The following KCNMA1 variants were observed in gnomAD, a reference collection of about 807,000 sequenced individuals.
KCNMA1 encodes potassium calcium-activated channel subfamily M alpha 1.
Under a neutral mutation model 140.0 loss-of-function variants are expected in KCNMA1, and 29 were observed. The ratio of observed to expected loss-of-function variants is 0.21; its 90% CI spans 0.15 to 0.28. The LOEUF (loss-of-function observed/expected upper bound fraction) is 0.28, where lower values mean the gene tolerates loss of function less well. KCNMA1 is among the 10% of genes least tolerant of loss of function. The pLI, the probability that KCNMA1 is intolerant of heterozygous loss-of-function variation, is 1.00. For missense variants in KCNMA1, 880 were observed against 1,602.2 expected, an observed-to-expected ratio of 0.55 and a Z score of 7.70; for synonymous variants, 612 against 611.9, an observed-to-expected ratio of 1.00 and a Z score of 0.00.
At chr10:77,022,522 C>A (rs1343585511) in intron 16 of KCNMA1, among the ~76,000 whole-genome samples, 1 of 152,120 alleles carries the variant, frequency 6.6e-6, no homozygotes, top group Non-Finnish European at 1.5e-5. Context: ...TTTTAAGTCT[C>A]GACTTATTCT....
chr10:76,888,837 G>A (rs1383255381), intron 27 of KCNMA1, among the ~76,000 whole-genome samples: 1 of 152,152 alleles, frequency 6.6e-6, no homozygotes, highest in African/African-American at 2.4e-5. Context: ...GGCCGAGGTG[G>A]GTGGATCACT....
intron 1 of KCNMA1, among the ~76,000 whole-genome samples, chr10:77,606,613 G>A (rs890368872): frequency 6.6e-6 from 1 of 151,932 alleles, no homozygotes; most frequent in Non-Finnish European, 1.5e-5. Context: ...ATCTCTTAAA[G>A]AAAAGAAAAA....
intron 19 of KCNMA1, among the ~76,000 whole-genome samples, chr10:76,983,888 G>A (rs1441282396): frequency 3.3e-5 from 5 of 151,862 alleles, no homozygotes; most frequent in Admixed American, 1.3e-4. Flanking sequence ...AAGGAATACC[G>A]CAGACCATAA....
At chr10:76,984,069 T>G (rs1001472128) in intron 19 of KCNMA1, among the ~76,000 whole-genome samples, 2 of 152,210 alleles carry the variant, frequency 1.3e-5, no homozygotes, top group African/African-American at 4.8e-5. Flanking sequence ...AAAGTCTTCC[T>G]AAAAAACAGA....
intron 2 of KCNMA1, among the ~76,000 whole-genome samples, chr10:77,381,294 G>A (rs2095375478): frequency 6.6e-6 from 1 of 152,160 alleles, no homozygotes; most frequent in Non-Finnish European, 1.5e-5. Flanking sequence ...TAGTATATTA[G>A]AGAATTATAA....
chr10:76,882,972 G>C (rs2035264080), downstream of KCNMA1, among the ~76,000 whole-genome samples: 1 of 152,204 alleles, frequency 6.6e-6, no homozygotes, highest in African/African-American at 2.4e-5. Flanking sequence ...CCTTCAAGGA[G>C]CCTGTTGCTA....
At chr10:76,933,728 A>G (rs7909158) in intron 23 of KCNMA1, among the ~76,000 whole-genome samples, 8 of 152,120 alleles carry the variant, frequency 5.3e-5, no homozygotes, top group Non-Finnish European at 8.8e-5. Flanking sequence ...GACACTGAAA[A>G]CATCTGGTAG....
intron 23 of KCNMA1, among the ~76,000 whole-genome samples, chr10:76,941,049 G>C (rs1292226310): frequency 1.3e-5 from 1 of 74,614 alleles, no homozygotes; most frequent in African/African-American, 6.3e-5. Context: ...AAGAAAGAAA[G>C]AAAGAGAAAG....
Position 77,019,024 on chromosome 10 carries a change from T to C in KCNMA1, c.2004A>G (p.Lys668=), listed in dbSNP as rs2092520145. ...TLGFFIASDA[K]EVKRAFFYCK... is the part of the protein sequence containing the mutation. ...AAATAAACTCTTACCTTTTAACTTCTTTGGCATCACTTGCGATGAAAAATC... is the reference window on the plus strand; with the variant it reads ...AAATAAACTCTTACCTTTTAACTTCCTTGGCATCACTTGCGATGAAAAATC... Residue 668 remains lysine, a synonymous_variant, in exon 17 of 28, where the codon AAA becomes AAG. Coordinates refer to ENST00000286628, the MANE Select transcript of KCNMA1 (RefSeq NM_001161352.2). 6.3e-7 allele frequency: 1 copy of C among 1,580,188 alleles called. No homozygotes were observed. Among genetic ancestry groups the C allele is most frequent in the East Asian group, 2.2e-5 (1 of 44,644 alleles).
chr10:76,894,387 T>C (rs2151954430), intron 25 of KCNMA1, among the ~76,000 whole-genome samples: 1 of 152,166 alleles, frequency 6.6e-6, no homozygotes, highest in Admixed American at 6.5e-5. Context: ...TAGAAGAAAA[T>C]ATAGGAGTAA....
At chr10:77,409,515 GC>G (rs1325634599) in intron 1 of KCNMA1, among the ~76,000 whole-genome samples, 1 of 152,172 alleles carries the variant, frequency 6.6e-6, no homozygotes, top group African/African-American at 2.4e-5. Context: ...TCACTCTGCT[GC>G]CCCAGCCTGG....
At chr10:77,475,214 A>G (rs142835891) in intron 1 of KCNMA1, among the ~76,000 whole-genome samples, 8 of 152,268 alleles carry the variant, frequency 5.3e-5, no homozygotes, top group African/African-American at 1.9e-4. Context: ...CACCATTACG[A>G]AAGAGGACAA....
intron 1 of KCNMA1, among the ~76,000 whole-genome samples, chr10:77,532,324 T>G (rs1481438084): frequency 6.6e-6 from 1 of 152,090 alleles, no homozygotes; most frequent in Non-Finnish European, 1.5e-5. Context: ...CCCAATGATG[T>G]GCGCAAAAGG....
At chr10:77,421,416 C>A (rs745988739) in intron 1 of KCNMA1, among the ~76,000 whole-genome samples, 1 of 152,202 alleles carries the variant, frequency 6.6e-6, no homozygotes, top group Non-Finnish European at 1.5e-5. Flanking sequence ...TTGTTCAGGG[C>A]CTCTTTGCTT....
intron 25 of KCNMA1, among the ~76,000 whole-genome samples, chr10:76,907,242 A>C (rs181031889): frequency 3.3e-5 from 5 of 152,328 alleles, no homozygotes; most frequent in Admixed American, 2.0e-4. Flanking sequence ...TTTTGTGTGC[A>C]TTTCAAAGGA....
chr10:77,333,924 A>G (rs1651256115), intron 2 of KCNMA1, among the ~76,000 whole-genome samples: 1 of 152,232 alleles, frequency 6.6e-6, no homozygotes, highest in African/African-American at 2.4e-5. Flanking sequence ...CTTGAATGAC[A>G]TAATAGGATT....
intron 1 of KCNMA1, among the ~76,000 whole-genome samples, chr10:77,504,435 A>G (rs2045085076): frequency 6.6e-6 from 1 of 152,174 alleles, no homozygotes; most frequent in Non-Finnish European, 1.5e-5. Flanking sequence ...GGGGTGCCAG[A>G]CTAGCCCAGA....
intron 2 of KCNMA1, among the ~76,000 whole-genome samples, chr10:77,296,411 C>A (rs1224863711): frequency 6.6e-6 from 1 of 152,122 alleles, no homozygotes; most frequent in East Asian, 1.9e-4. Flanking sequence ...TCTGACCCCC[C>A]AAATCTGTAA....
At chr10:77,437,377 T>C (rs1439791174) in intron 1 of KCNMA1, among the ~76,000 whole-genome samples, 3 of 152,176 alleles carry the variant, frequency 2.0e-5, no homozygotes, top group African/African-American at 7.2e-5. Flanking sequence ...ATAATAGCCT[T>C]TTCTGTGATT....
Sources: allele counts gnomAD v4.1 joint callset (sites outside exome capture counted in the v4.1 genomes callset), GRCh38; gene constraint gnomAD v4.1.1; transcripts MANE v1.5; gene names NCBI Gene and HGNC (gene_info 2026-07-23, HGNC 2026-07-21).